Variants in BCAT2 observed in about 807,000 individuals in gnomAD.
The protein encoded by BCAT2 is branched-chain-amino-acid aminotransferase, mitochondrial.
In BCAT2, 44 loss-of-function variants were observed where a neutral mutation model predicts 52.9. The ratio of observed to expected loss-of-function variants is 0.83; its 90% CI spans 0.65 to 1.07. The LOEUF (loss-of-function observed/expected upper bound fraction) is 1.07, where lower values mean the gene tolerates loss of function less well. Ranked by LOEUF, BCAT2 falls within the 50% of genes least tolerant of loss-of-function variation. The pLI, the probability that BCAT2 is intolerant of heterozygous loss-of-function variation, is 0.00. For missense variants in BCAT2, 478 were observed against 521.8 expected, an observed-to-expected ratio of 0.92 and a Z score of 0.82; for synonymous variants, 215 against 217.1, an observed-to-expected ratio of 0.99 and a Z score of 0.08.
intron 3 of BCAT2, among the ~76,000 whole-genome samples, chr19:48,804,015 C>T (rs2034710729): frequency 6.6e-6 from 1 of 151,954 alleles, no homozygotes; most frequent in Non-Finnish European, 1.5e-5. Flanking sequence ...AAAAATTAGC[C>T]AATAGTGGTG....
At chr19:48,810,252 C>T (rs1390023199) in intron 1 of BCAT2, among the ~76,000 whole-genome samples, 4 of 152,204 alleles carry the variant, frequency 2.6e-5, no homozygotes, top group African/African-American at 9.6e-5. Context: ...ACAGTTCTCC[C>T]AAGGTTACAC....
intron 3 of BCAT2, among the ~76,000 whole-genome samples, chr19:48,802,136 G>A (rs945323710): frequency 1.3e-5 from 2 of 152,086 alleles, no homozygotes; most frequent in Non-Finnish European, 2.9e-5. Flanking sequence ...CCTTAAGCTC[G>A]TGAGAAGATA....
chr19:48,801,853 T>C (rs1224025910), intron 3 of BCAT2, among the ~76,000 whole-genome samples: 1 of 151,930 alleles, frequency 6.6e-6, no homozygotes, highest in Non-Finnish European at 1.5e-5. Context: ...GCCAGGCTGG[T>C]CTTGAACTCC....
chr19:48,806,809 G>A (rs916324069), intron 2 of BCAT2, 92 bp from the exon 3 acceptor site: 4 of 1,494,890 alleles, frequency 2.7e-6, no homozygotes, highest in Middle Eastern at 1.7e-4. Context: ...CAGACCCATA[G>A]AGAAGAAGGA....
At position 48,800,032 on chromosome 19, in the gene BCAT2, G is replaced by C; in HGVS notation, c.480C>G (p.Pro160=). ...RLIEVDKDWV[P]DAAGTSLYVR... ...CATAGAGGCTGGTGCCGGCGGCATC[G>C]GGGACCCAGTCCTTGTCCACTTCGA... Residue 160 remains proline, a synonymous_variant, in exon 5 of 11, where the codon CCC becomes CCG. Coordinates refer to ENST00000316273, the MANE Select transcript of BCAT2 (RefSeq NM_001190.4). 1.2e-6 allele frequency: 2 copies of C among 1,613,788 alleles called. No individual in the cohort carries two copies. The highest frequency in any genetic ancestry group is 2.2e-5 in the East Asian group (1 of 44,882).
chr19:48,802,312 T>C (rs1370421380), intron 3 of BCAT2, among the ~76,000 whole-genome samples: 1 of 152,040 alleles, frequency 6.6e-6, no homozygotes, highest in Non-Finnish European at 1.5e-5. Flanking sequence ...ACCCTGTAGA[T>C]GTAGATGTGG....
At chr19:48,801,133 G>A (rs987752570) in intron 3 of BCAT2, among the ~76,000 whole-genome samples, 1 of 151,658 alleles carries the variant, frequency 6.6e-6, no homozygotes, top group Non-Finnish European at 1.5e-5. Context: ...GATTACAGGC[G>A]CCCACCACCA....
chr19:48,801,721 C>CT (rs1166619250), intron 3 of BCAT2, among the ~76,000 whole-genome samples: 1 of 152,108 alleles, frequency 6.6e-6, no homozygotes, highest in Non-Finnish European at 1.5e-5. Context: ...ACTGCAACCT[C>CT]TACCTCCCAG....
chr19:48,810,913 G>C, intron 1 of BCAT2, 71 bp downstream of exon 1: 5 of 1,573,950 alleles, frequency 3.2e-6, no homozygotes, highest in Non-Finnish European at 4.3e-6. Flanking sequence ...CCGGCTGCAG[G>C]CCAGTGGTCT....
At chr19:48,808,220 G>A in intron 1 of BCAT2, 1 of 985,998 alleles carries the variant, frequency 1.0e-6, no homozygotes. Context: ...AGACTGCTCA[G>A]CCTTGCAGCC....
intron 9 of BCAT2, 26 bp from the exon 10 acceptor site, chr19:48,796,528 C>G: frequency 6.2e-7 from 1 of 1,610,814 alleles, no homozygotes; most frequent in Non-Finnish European, 8.5e-7. Flanking sequence ...CGGTGAGGAC[C>G]AAGCCCCTCC....
rs1055965148 is a variant in BCAT2 at position 48,803,361 on chromosome 19, A to T, written c.301-3064T>A. Among the ~76,000 whole-genome samples, 7 of 152,142 alleles carry T rather than the reference A, an allele frequency of 4.6e-5. No individual in the cohort carries two copies. The East Asian group carries it at 9.7e-4, about 21-fold the overall frequency. On this transcript the variant is annotated intron_variant, in intron 3 of 10. Transcript: ENST00000316273. Reference sequence around the variant, plus strand: ...TAACAAGACCCCATCCCTAAAAAAAAATAAAATAAAATAAAAATTAGCTGG... The same window carrying T: ...TAACAAGACCCCATCCCTAAAAAAATATAAAATAAAATAAAAATTAGCTGG...
Position 48,805,718 on chromosome 19 carries a change from G to A in BCAT2, c.300+799C>T, listed in dbSNP as rs1383628564. Among the ~76,000 whole-genome samples the A allele has an allele frequency of 9.0e-5, 7 of 77,778 alleles. No homozygotes were observed. The Admixed American group carries it at 9.1e-4, about 10-fold the overall frequency. The allele number at this position is 77,778 out of a possible 152,430, so 51.0% of individuals were successfully genotyped here. A position where few individuals can be genotyped will look rare whatever the true frequency, so the allele number is the denominator to read the frequency against. ...GGCCCTCTCCCACCATCACTTCCCC[G>A]GCTGTCCCTCTCCCGCCATCCCTCC... On this transcript the variant is annotated intron_variant, in intron 3 of 10. Coordinates refer to ENST00000316273, the MANE Select transcript of BCAT2 (RefSeq NM_001190.4).
Position 48,795,406 on chromosome 19 carries a change from C to G in BCAT2, c.*20G>C, listed in dbSNP as rs762623694. The G allele has an allele frequency of 1.2e-6, 2 of 1,613,780 alleles. No individual in the cohort carries two copies. The highest frequency in any genetic ancestry group is 1.3e-5 in the African/African-American group (1 of 74,936). On this transcript the variant is annotated 3_prime_UTR_variant, in exon 11 of 11. Transcript: ENST00000316273. ...GACGAGATGCTACGGGTCGGTGGAT[C>G]TGGAGCACAGCCTGCAGCTTCACAC...
intron 1 of BCAT2, 78 bp downstream of exon 1, chr19:48,810,906 G>A: frequency 1.3e-6 from 2 of 1,565,858 alleles, no homozygotes; most frequent in South Asian, 1.2e-5. Context: ...AGTCGGACCG[G>A]CTGCAGGCCA....
chr19:48,809,501 C>A (rs186762983), intron 1 of BCAT2, among the ~76,000 whole-genome samples: 30 of 151,966 alleles, frequency 2.0e-4, no homozygotes, highest in African/African-American at 6.0e-4. Context: ...CCACACATGA[C>A]CCCATCACGT....
chr19:48,810,905 G>T, intron 1 of BCAT2, 79 bp downstream of exon 1: 2 of 1,564,656 alleles, frequency 1.3e-6, no homozygotes, highest in Non-Finnish European at 1.7e-6. Flanking sequence ...GAGTCGGACC[G>T]GCTGCAGGCC....
rs1228384908 is a variant in BCAT2, at chr19:48,795,275, G to A, written c.*151C>T. ...TGGGTCGGCCCTTACGGCTTTGGGA[G>A]TGTCGCAACCACATGGGGGCGCCAG... On this transcript the variant is annotated 3_prime_UTR_variant, in exon 11 of 11. Coordinates refer to ENST00000316273, the MANE Select transcript of BCAT2 (RefSeq NM_001190.4). The A allele has an allele frequency of 4.0e-6, 4 of 1,007,900 alleles. No homozygotes were observed. The highest frequency in any genetic ancestry group is 5.9e-6 in the Non-Finnish European group (4 of 673,558). 62.4% of individuals were successfully genotyped at this position (1,007,900 alleles called of 1,614,324 possible).
intron 6 of BCAT2, among the ~76,000 whole-genome samples, chr19:48,797,842 G>A (rs1483613588): frequency 2.3e-5 from 3 of 132,358 alleles, no homozygotes; most frequent in Non-Finnish European, 3.2e-5. Flanking sequence ...ACAGAGTCTT[G>A]CTCTGTCGCC....
Sources: allele counts gnomAD v4.1 joint callset (sites outside exome capture counted in the v4.1 genomes callset), GRCh38; gene constraint gnomAD v4.1.1; transcripts MANE v1.5; gene names NCBI Gene and HGNC (gene_info 2026-07-23, HGNC 2026-07-21).